CCDC171: variants seen among roughly 807,000 people sequenced by gnomAD.
The protein encoded by CCDC171 is coiled-coil domain-containing protein 171.
A neutral mutation model predicts 168.2 loss-of-function variants in CCDC171; 177 were observed. The observed-to-expected ratio is 1.05, with a 90% CI of 0.93 to 1.19. CCDC171 has a LOEUF of 1.19. Ranked by LOEUF, CCDC171 falls within the 50% of genes most tolerant of loss-of-function variation. The pLI, the probability that CCDC171 is intolerant of heterozygous loss-of-function variation, is 0.00. For synonymous variants in CCDC171, 687 were observed against 540.8 expected (o/e 1.27, Z -3.75); for missense variants, 1,991 against 1,539.0 (o/e 1.29, Z -4.91).
At chr9:16,005,550 A>T (rs1015909693) in intron 3 of CCDC171, among the ~76,000 whole-genome samples, 15 of 152,196 alleles carry the variant, frequency 9.9e-5, no homozygotes, top group Admixed American at 7.9e-4. Flanking sequence ...GATTCATGCA[A>T]CCATGGATCA....
At position 15,931,420 on chromosome 9, in the gene CCDC171, A is replaced by G. The variant is rs184907859; in HGVS notation, c.3753+10998A>G. ...AACTGTCTATTCAGGTCTTTTGCCT[A>G]TTTTTAAATTGGGGTCTTTCTTTCT... is the stretch of plus-strand genomic sequence containing the variant. On this transcript the variant is annotated intron_variant, in intron 25 of 25. Transcript: ENST00000380701. Among the ~76,000 whole-genome samples, 245 of 76,114 alleles carry G rather than the reference A, an allele frequency of 3.2e-3. 2 individuals are homozygous for G. The highest frequency in any genetic ancestry group is 0.012 in the African/African-American group (234 of 20,178). 49.9% of individuals were successfully genotyped at this position (76,114 alleles called of 152,430 possible).
chr9:15,724,385 A>T (rs184875375), intron 13 of CCDC171, among the ~76,000 whole-genome samples: 1 of 152,220 alleles, frequency 6.6e-6, no homozygotes, highest in African/African-American at 2.4e-5. Flanking sequence ...TGAGATTTCT[A>T]TAAGTGGTTG....
chr9:15,826,285 T>C (rs1340395312), intron 21 of CCDC171, among the ~76,000 whole-genome samples: 1 of 151,952 alleles, frequency 6.6e-6, no homozygotes, highest in African/African-American at 2.4e-5. Context: ...TCTTTCGTTC[T>C]TCTGAGATCT....
chr9:15,905,839 A>G (rs1270164124), intron 24 of CCDC171, among the ~76,000 whole-genome samples: 1 of 152,182 alleles, frequency 6.6e-6, no homozygotes, highest in Non-Finnish European at 1.5e-5. Context: ...GATAAAGGGG[A>G]TATCACCACC....
chr9:16,069,667 CG>C, the CCDC171 span, among the ~76,000 whole-genome samples: 94 of 152,336 alleles, frequency 6.2e-4, no homozygotes, highest in African/African-American at 2.2e-3. Flanking sequence ...GAGCTGAGGA[CG>C]AGGCATTTCT....
chr9:15,904,669 C>T (rs534758088), intron 24 of CCDC171, among the ~76,000 whole-genome samples: 1 of 152,064 alleles, frequency 6.6e-6, no homozygotes, highest in Non-Finnish European at 1.5e-5. Flanking sequence ...TCACACATAA[C>T]AATATTAACC....
At chr9:16,102,511 A>AGGGGGGAG in the CCDC171 span, among the ~76,000 whole-genome samples, 2 of 13,276 alleles carry the variant, frequency 1.5e-4, no homozygotes, top group Non-Finnish European at 3.5e-4. Flanking sequence ...GGGTGGGGGC[A>AGGGGGGAG]GGGGGGAGGG....
intron 23 of CCDC171, among the ~76,000 whole-genome samples, chr9:15,852,130 T>C (rs2061155683): frequency 6.6e-6 from 1 of 151,812 alleles, no homozygotes; most frequent in African/African-American, 2.4e-5. Flanking sequence ...CAAATAATAA[T>C]ACCATGATAA....
intron 3 of CCDC171, among the ~76,000 whole-genome samples, chr9:15,984,585 G>A (rs988289027): frequency 5.9e-5 from 9 of 151,994 alleles, no homozygotes; most frequent in South Asian, 4.1e-4. Context: ...TGTGATATGC[G>A]TCATGGGGTT....
intron 4 of CCDC171, among the ~76,000 whole-genome samples, chr9:15,580,960 G>A (rs1226693898): frequency 6.6e-6 from 1 of 152,110 alleles, no homozygotes; most frequent in African/African-American, 2.4e-5. Flanking sequence ...GAAATAAAGG[G>A]TATTCAAAAA....
At chr9:16,033,188 G>A (rs1431686378) in intron 6 of CCDC171, among the ~76,000 whole-genome samples, 3 of 152,314 alleles carry the variant, frequency 2.0e-5, no homozygotes, top group East Asian at 3.9e-4. Context: ...GCAAGGGAAG[G>A]CTCTAGTACG....
intron 24 of CCDC171, chr9:15,875,302 T>G (rs1017137321): frequency 2.6e-5 from 4 of 152,034 alleles, no homozygotes; most frequent in South Asian, 2.1e-4. Flanking sequence ...TAAAGTACAC[T>G]AATAAACTTA....
chr9:16,021,228 C>G (rs950180274), intron 4 of CCDC171, among the ~76,000 whole-genome samples: 3 of 152,164 alleles, frequency 2.0e-5, no homozygotes, highest in Non-Finnish European at 2.9e-5. Flanking sequence ...GCTGGGATTA[C>G]AGGCACGTGT....
chr9:15,836,908 C>G (rs1174506855), intron 21 of CCDC171, among the ~76,000 whole-genome samples: 1 of 152,194 alleles, frequency 6.6e-6, no homozygotes, highest in Non-Finnish European at 1.5e-5. Context: ...ATAATAAAAT[C>G]TACTGCGGTA....
At chr9:15,628,517 G>A (rs4740618) in intron 7 of CCDC171, among the ~76,000 whole-genome samples, 61,930 of 152,096 alleles carry the variant, frequency 0.41, 14,413 homozygotes, top group East Asian at 0.76. Flanking sequence ...GGTAAACAAA[G>A]CAGCTGGGAA....
intron 6 of CCDC171, among the ~76,000 whole-genome samples, chr9:16,033,697 CCT>C (rs1833408561): frequency 6.6e-6 from 1 of 152,060 alleles, no homozygotes; most frequent in Non-Finnish European, 1.5e-5. Flanking sequence ...CCCCCCACCC[CCT>C]GTCTGTGGAA....
chr9:15,663,503 A>G (rs1253154949), intron 8 of CCDC171, among the ~76,000 whole-genome samples: 2 of 152,000 alleles, frequency 1.3e-5, no homozygotes, highest in African/African-American at 4.8e-5. Flanking sequence ...CAAATGTAGC[A>G]TACTATATAC....
chr9:15,573,472 G>A (rs1015205250), intron 3 of CCDC171, among the ~76,000 whole-genome samples: 2 of 151,924 alleles, frequency 1.3e-5, no homozygotes, highest in Admixed American at 6.6e-5. Context: ...AGTAGAGATG[G>A]GGTTTTACCA....
chr9:15,694,151 T>C (rs1034449437), intron 10 of CCDC171, among the ~76,000 whole-genome samples: 5 of 152,184 alleles, frequency 3.3e-5, no homozygotes, highest in Admixed American at 6.5e-5. Flanking sequence ...CTTTTTTTAG[T>C]TTTGTTTGCT....
Sources: allele counts gnomAD v4.1 joint callset (sites outside exome capture counted in the v4.1 genomes callset), GRCh38; gene constraint gnomAD v4.1.1; transcripts MANE v1.5; gene names NCBI Gene and HGNC (gene_info 2026-07-23, HGNC 2026-07-21).